Variants in PIK3CD observed in about 807,000 individuals in gnomAD.
PIK3CD encodes phosphatidylinositol-4,5-bisphosphate 3-kinase catalytic subunit delta.
Under a neutral mutation model 122.9 loss-of-function variants are expected in PIK3CD, and 20 were observed. The ratio of observed to expected loss-of-function variants is 0.16; its 90% CI spans 0.11 to 0.24. PIK3CD has a LOEUF of 0.24. Ranked by LOEUF, PIK3CD falls within the 10% of genes least tolerant of loss-of-function variation. The pLI is 1.00. For synonymous variants in PIK3CD, 596 were observed against 593.4 expected (o/e 1.00, Z -0.06); for missense variants, 787 against 1,406.3 (o/e 0.56, Z 7.04).
At chr1:9,644,385 G>A in the PIK3CD span, among the ~76,000 whole-genome samples, 1 of 152,028 alleles carries the variant, frequency 6.6e-6, no homozygotes, top group African/African-American at 2.4e-5. Context: ...GTGGTGGTGG[G>A]CGCCTGTAGG....
rs1647340949 is a variant in PIK3CD, at chr1:9,715,916, C to T, written c.438C>T (p.Phe146=). 3 of 1,611,786 alleles carry T rather than the reference C, an allele frequency of 1.9e-6. No homozygotes were observed. Among genetic ancestry groups the T allele is most frequent in the Non-Finnish European group, 1.7e-6 (2 of 1,179,496 alleles). Residue 146 remains phenylalanine (F), a synonymous_variant, in exon 5 of 24, where the codon TTC becomes TTT. Transcript: ENST00000377346. The surrounding 1 kb of genome is among the most constrained non-coding windows in gnomAD (Gnocchi z 4.1). ...ACTTTCGCGCCAAGATGTGCCAATT[C>T]TGCGAGGAGGCGGCCGCCCGCCGGC... is the stretch of plus-strand genomic sequence containing the variant. The part of the protein sequence containing the change: ...VNDFRAKMCQ[F]CEEAAARRQQ...
Position 9,716,572 on chromosome 1 carries a change from G to A in PIK3CD, c.733G>A (p.Gly245Ser), listed in dbSNP as rs201035266. Reference sequence around the variant, plus strand: ...GGAAGACTACACGCTGCAGGTGAACGGCAGGCATGAGTACCTGTATGGCAG... The same window carrying A: ...GGAAGACTACACGCTGCAGGTGAACAGCAGGCATGAGTACCTGTATGGCAG... ...QPEDYTLQVN[G>S]RHEYLYGSYP... The change falls in exon 6 of 24, where the codon GGC becomes AGC. Residue 245 changes from glycine (G) to serine (S), a missense_variant. Transcript: ENST00000377346. 18 of 1,593,578 alleles carry A rather than the reference G, an allele frequency of 1.1e-5. No homozygotes were observed. The highest frequency in any genetic ancestry group is 4.5e-5 in the South Asian group (4 of 88,942).
intron 2 of PIK3CD, chr1:9,691,790 A>G (rs1646206571): frequency 8.1e-6 from 3 of 369,222 alleles, no homozygotes; most frequent in Non-Finnish European, 1.4e-5. Context: ...CCCAGGAGAG[A>G]GATGCTGCTG....
Position 9,717,269 on chromosome 1 carries a change from G to A in PIK3CD, c.930+161G>A, listed in dbSNP as rs188191807. Among the ~76,000 whole-genome samples, 741 of 152,346 alleles carry A rather than the reference G, an allele frequency of 4.9e-3. 13 individuals are homozygous for A. Among genetic ancestry groups the A allele is most frequent in the East Asian group, 0.031 (162 of 5,174 alleles). ...AGCTGACCAGCGTCCTGGGCTGGGG[G>A]CCTGTGGGACTGCCGTGGGTGGGGG... is the stretch of plus-strand genomic sequence containing the variant. On this transcript the variant is annotated intron_variant, in intron 7 of 23. Coordinates refer to ENST00000377346, the MANE Select transcript of PIK3CD (RefSeq NM_005026.5). The surrounding 1 kb of genome is among the most constrained non-coding windows in gnomAD (Gnocchi z 5.4).
At position 9,710,636 on chromosome 1, in the gene PIK3CD, G is replaced by C. The variant is rs1437624320; in HGVS notation, c.141+40G>C. ...CGGTCCTCAGACCTTGGTGCTCAGA[G>C]AGAGAGAGAGAGAGAGAGACACAGA... On this transcript the variant is annotated intron_variant, in intron 3 of 23. Coordinates refer to ENST00000377346, the MANE Select transcript of PIK3CD (RefSeq NM_005026.5). The surrounding 1 kb of genome is among the most constrained non-coding windows in gnomAD (Gnocchi z 4.7). 6.0e-6 allele frequency: 8 copies of C among 1,341,428 alleles called. No homozygotes were observed. The highest frequency in any genetic ancestry group is 2.9e-5 in the African/African-American group (2 of 68,654). The allele number at this position is 1,341,428 out of a possible 1,614,324, so 83.1% of individuals were successfully genotyped here.
At chr1:9,653,054 C>T (rs1034166898) in intron 1 of PIK3CD, 1 of 152,262 alleles carries the variant, frequency 6.6e-6, no homozygotes, top group Admixed American at 6.5e-5. Flanking sequence ...GAAGTCCTAC[C>T]TCTGAGATGC....
chr1:9,638,454 C>T, the PIK3CD span, among the ~76,000 whole-genome samples: 8 of 152,114 alleles, frequency 5.3e-5, no homozygotes, highest in Non-Finnish European at 8.8e-5. Context: ...TCATCTAGGC[C>T]GGGAGCGGTG....
intron 1 of PIK3CD, among the ~76,000 whole-genome samples, chr1:9,678,596 C>A (rs896158948): frequency 1.3e-5 from 2 of 152,188 alleles, no homozygotes; most frequent in Admixed American, 1.3e-4. Context: ...GCTCTTTCAT[C>A]CACAGACTCT....
upstream of PIK3CD, among the ~76,000 whole-genome samples, chr1:9,651,392 T>C (rs144267792): frequency 7.0e-3 from 1,063 of 152,344 alleles, 5 homozygotes; most frequent in Non-Finnish European, 0.011. Context: ...CTTCTTCTCC[T>C]GCTCTCAGCC....
intron 3 of PIK3CD, among the ~76,000 whole-genome samples, chr1:9,712,903 G>T (rs1647113233): frequency 1.3e-5 from 2 of 152,000 alleles, no homozygotes; most frequent in African/African-American, 4.8e-5. Flanking sequence ...ATTAGCCAGG[G>T]CCAAGCATGG....
rs779892633 is a variant in PIK3CD, at chr1:9,724,799, T to G, written c.2865-5T>G. 9 of 1,612,708 alleles carry G rather than the reference T, an allele frequency of 5.6e-6. No homozygotes were observed. Among genetic ancestry groups the G allele is most frequent in the Non-Finnish European group, 7.6e-6 (9 of 1,180,030 alleles). ...AGCCTCACTTCCTCTGTCCCCTACC[T>G]GCAGGTTCCGGGGCTACTGTGAAAG... On this transcript the variant is annotated splice_region_variant and splice_polypyrimidine_tract_variant and intron_variant, in intron 22 of 23. Transcript: ENST00000377346. The surrounding 1 kb of genome is among the most constrained non-coding windows in gnomAD (Gnocchi z 7.3).
In PIK3CD at chr1:9,723,553, A is replaced by C. The variant is rs2100994202; in HGVS notation, c.2594+261A>C. 6.6e-6 allele frequency among the ~76,000 whole-genome samples: 1 copy of C among 152,306 alleles called. No individual in the cohort carries two copies. The highest frequency in any genetic ancestry group is 1.9e-4 in the East Asian group (1 of 5,176). Reference sequence around the variant, plus strand: ...ATTTACGATTGGCTCACAGATCTGCAGCTGGGGCTGGGCTCAGCCGGGTGG... The same window carrying C: ...ATTTACGATTGGCTCACAGATCTGCCGCTGGGGCTGGGCTCAGCCGGGTGG... On this transcript the variant is annotated intron_variant, in intron 20 of 23. Coordinates refer to ENST00000377346, the MANE Select transcript of PIK3CD (RefSeq NM_005026.5). The surrounding 1 kb of genome is among the most constrained non-coding windows in gnomAD (Gnocchi z 4.9).
At chr1:9,638,814 C>T in the PIK3CD span, among the ~76,000 whole-genome samples, 7 of 138,524 alleles carry the variant, frequency 5.1e-5, no homozygotes, top group African/African-American at 1.9e-4. Flanking sequence ...CTTGCTCTGT[C>T]GCCCAGGCTG....
At chr1:9,630,450 G>A in the PIK3CD span, among the ~76,000 whole-genome samples, 140 of 152,350 alleles carry the variant, frequency 9.2e-4, no homozygotes, top group African/African-American at 3.2e-3. Flanking sequence ...CCTTCATTCA[G>A]CATTTCTACA....
At chr1:9,630,600 GATGATATAGCCAGGAGT>G in the PIK3CD span, among the ~76,000 whole-genome samples, 3 of 152,250 alleles carry the variant, frequency 2.0e-5, no homozygotes, top group African/African-American at 7.2e-5. Flanking sequence ...GCTGGGAGGG[GATGATATAGCCAGGAGT>G]ATGATGAAGG....
At chr1:9,654,136 C>A in intron 1 of PIK3CD, 1 of 1,232,584 alleles carries the variant, frequency 8.1e-7, no homozygotes, top group Non-Finnish European at 1.1e-6. Flanking sequence ...TCCTTCTGAG[C>A]CCCACTTCCC....
At position 9,691,498 on chromosome 1, in the gene PIK3CD, C is replaced by G. The variant is rs1378055861; in HGVS notation, c.-106C>G. 5.5e-5 allele frequency: 22 copies of G among 398,578 alleles called. No individual in the cohort carries two copies. 24.7% of individuals were successfully genotyped at this position (398,578 alleles called of 1,614,324 possible). On this transcript the variant is annotated 5_prime_UTR_variant, in exon 2 of 24. Transcript: ENST00000377346. Reference sequence around the variant, plus strand: ...AGTCAGGCCAGGGCGGGATGACACTCATTGATTCTAAAGCATCTTTAATCT... The same window carrying G: ...AGTCAGGCCAGGGCGGGATGACACTGATTGATTCTAAAGCATCTTTAATCT...
chr1:9,697,063 C>CA (rs60416744), intron 2 of PIK3CD, among the ~76,000 whole-genome samples: 7,022 of 76,734 alleles, frequency 0.092, 238 homozygotes, highest in African/African-American at 0.13. Context: ...GATCCTGTCT[C>CA]AAAAAAAAAA....
intron 1 of PIK3CD, 85 bp from the exon 2 acceptor site, chr1:9,691,382 C>A (rs537335529): frequency 2.5e-6 from 1 of 394,414 alleles, no homozygotes; most frequent in Non-Finnish European, 4.5e-6. Flanking sequence ...TTTGAGCTAA[C>A]GTCCTGTAAG....
Sources: gnomAD v4.1 joint callset for allele counts (sites outside exome capture counted in the v4.1 genomes callset) on GRCh38, gnomAD v4.1.1 for gene constraint, Gnocchi (gnomAD v3.1) non-coding constraint, MANE v1.5 for transcripts, NCBI Gene and HGNC (gene_info 2026-07-23, HGNC 2026-07-21) for gene names.